The following TP63 variants were observed in gnomAD, a reference collection of about 807,000 sequenced individuals.
TP63 encodes tumor protein p63.
In TP63, 17 loss-of-function variants were observed where a neutral mutation model predicts 82.8. The observed-to-expected ratio is 0.21, with a 90% CI of 0.14 to 0.31. TP63 has a LOEUF of 0.31. Among genes scored for constraint, TP63 ranks in the 10% least tolerant of loss-of-function variants. The pLI is 1.00. For missense variants in TP63, 648 were observed against 895.3 expected (o/e 0.72, Z 3.52); for synonymous variants, 330 against 321.7 (o/e 1.03, Z -0.28).
the TP63 span, among the ~76,000 whole-genome samples, chr3:189,603,533 A>G: frequency 6.6e-6 from 1 of 151,802 alleles, no homozygotes; most frequent in Non-Finnish European, 1.5e-5. Flanking sequence ...AGTTGAGAGA[A>G]CAGTGGCTCA....
At chr3:189,737,970 GA>G in intron 2 of TP63, 102 bp downstream of exon 2, 1 of 1,448,442 alleles carries the variant, frequency 6.9e-7, no homozygotes. Flanking sequence ...AGAATCAGTA[GA>G]AGTTATTTAG....
chr3:189,828,905 C>T (rs1015277943), intron 4 of TP63, among the ~76,000 whole-genome samples: 6 of 152,058 alleles, frequency 3.9e-5, no homozygotes, highest in East Asian at 1.9e-4. Context: ...GTGTTTTGAG[C>T]GTAATGAAAT....
chr3:189,861,956 A>G (rs937281103), intron 4 of TP63, among the ~76,000 whole-genome samples: 2 of 152,198 alleles, frequency 1.3e-5, no homozygotes, highest in African/African-American at 4.8e-5. Context: ...ACAATTCTGA[A>G]GTTCCAAGAG....
chr3:189,716,007 A>G (rs1718930797), intron 1 of TP63, among the ~76,000 whole-genome samples: 1 of 152,188 alleles, frequency 6.6e-6, no homozygotes, highest in African/African-American at 2.4e-5. Flanking sequence ...GTACTATACT[A>G]AAAACTATAT....
chr3:189,765,231 G>A (rs1412116578), intron 3 of TP63, among the ~76,000 whole-genome samples: 1 of 64,026 alleles, frequency 1.6e-5, no homozygotes, highest in African/African-American at 5.5e-5. Context: ...AGAAAACTAA[G>A]GAGAATATAG....
chr3:189,621,472 A>C, the TP63 span, among the ~76,000 whole-genome samples: 197 of 152,108 alleles, frequency 1.3e-3, 1 homozygote, highest in Middle Eastern at 3.4e-3. Context: ...ACACATGCAT[A>C]CTTATATACA....
intron 3 of TP63, among the ~76,000 whole-genome samples, chr3:189,792,284 G>A (rs527489018): frequency 3.9e-5 from 6 of 152,154 alleles, no homozygotes; most frequent in South Asian, 2.1e-4. Context: ...CGGAGAGGCC[G>A]CAAGCAAGCT....
chr3:189,809,004 G>T (rs1355747332), intron 4 of TP63, among the ~76,000 whole-genome samples: 1 of 151,970 alleles, frequency 6.6e-6, no homozygotes, highest in African/African-American at 2.4e-5. Context: ...TATGAAGGAA[G>T]GATGAATATG....
At chr3:189,781,207 C>T (rs545487580) in intron 3 of TP63, among the ~76,000 whole-genome samples, 1 of 152,310 alleles carries the variant, frequency 6.6e-6, no homozygotes, top group East Asian at 1.9e-4. Context: ...ACAGATACCA[C>T]ATTTACATAT....
chr3:189,650,492 C>T (rs1459158902), intron 1 of TP63, among the ~76,000 whole-genome samples: 3 of 146,202 alleles, frequency 2.1e-5, no homozygotes, highest in Non-Finnish European at 4.5e-5. Context: ...CAGTTTCCCC[C>T]ATCCTGTTCT....
chr3:189,661,054 G>A (rs34239723), intron 1 of TP63, among the ~76,000 whole-genome samples: 16,142 of 151,828 alleles, frequency 0.11, 1,006 homozygotes, highest in East Asian at 0.21. Flanking sequence ...TTCTATTTGG[G>A]TGTCTTTCAT....
At chr3:189,857,761 A>G (rs1716468977) in intron 4 of TP63, among the ~76,000 whole-genome samples, 1 of 152,200 alleles carries the variant, frequency 6.6e-6, no homozygotes, top group Non-Finnish European at 1.5e-5. Flanking sequence ...GCCCAATATC[A>G]CTAATCAGGG....
chr3:189,757,879 A>G (rs971276582), intron 3 of TP63, among the ~76,000 whole-genome samples: 1 of 152,080 alleles, frequency 6.6e-6, no homozygotes, highest in Non-Finnish European at 1.5e-5. Context: ...AGATAGAAAA[A>G]AAACCTTAAA....
intron 1 of TP63, among the ~76,000 whole-genome samples, chr3:189,716,488 C>T (rs970268939): frequency 6.6e-6 from 1 of 152,102 alleles, no homozygotes; most frequent in East Asian, 1.9e-4. Context: ...GAGAATTTGC[C>T]AATCATCTTT....
intron 13 of TP63, among the ~76,000 whole-genome samples, chr3:189,892,445 T>C (rs1369162310): frequency 6.6e-6 from 1 of 152,154 alleles, no homozygotes; most frequent in African/African-American, 2.4e-5. Context: ...TACAAAGAGC[T>C]TTGCATTTAC....
intron 1 of TP63, among the ~76,000 whole-genome samples, chr3:189,652,351 C>T (rs1317920883): frequency 2.0e-5 from 3 of 147,082 alleles, no homozygotes; most frequent in Non-Finnish European, 4.5e-5. Context: ...GATTTAAGGA[C>T]TGCCCTGTTG....
At chr3:189,820,048 C>T (rs1728639070) in intron 4 of TP63, among the ~76,000 whole-genome samples, 1 of 152,036 alleles carries the variant, frequency 6.6e-6, no homozygotes. Context: ...CACGCCCAGC[C>T]CTATTTTACT....
chr3:189,774,029 TCTC>T (rs1450769882), intron 3 of TP63, among the ~76,000 whole-genome samples: 1 of 150,720 alleles, frequency 6.6e-6, no homozygotes, highest in Non-Finnish European at 1.5e-5. Context: ...TTCATGCCAT[TCTC>T]CTGCCTCAGC....
chr3:189,842,816 G>A (rs1167540209), intron 4 of TP63, among the ~76,000 whole-genome samples: 1 of 152,156 alleles, frequency 6.6e-6, no homozygotes, highest in African/African-American at 2.4e-5. Flanking sequence ...GTAAGAGTAA[G>A]CCGACCTTAA....
Sources: allele counts gnomAD v4.1 joint callset (sites outside exome capture counted in the v4.1 genomes callset), GRCh38; gene constraint gnomAD v4.1.1; transcripts MANE v1.5; gene names NCBI Gene and HGNC (gene_info 2026-07-23, HGNC 2026-07-21).